The following PTPN13 variants were observed in gnomAD, a reference collection of about 807,000 sequenced individuals.
The protein encoded by PTPN13 is protein tyrosine phosphatase non-receptor type 13, also known as tyrosine-protein phosphatase non-receptor type 13.
A neutral mutation model predicts 284.0 loss-of-function variants in PTPN13; 191 were observed. The ratio of observed to expected loss-of-function variants is 0.67; its 90% CI spans 0.60 to 0.76. The LOEUF (loss-of-function observed/expected upper bound fraction) is 0.76. PTPN13 is among the 30% of genes least tolerant of loss of function. PTPN13 has a pLI of 0.00. For missense variants in PTPN13, 2,797 were observed against 2,939.9 expected (o/e 0.95, Z 1.12); for synonymous variants, 986 against 1,022.3 (o/e 0.96, Z 0.68).
At chr4:86,735,365 AG>A (rs1735379107) in intron 14 of PTPN13, among the ~76,000 whole-genome samples, 2 of 152,208 alleles carry the variant, frequency 1.3e-5, no homozygotes. Context: ...GAGTGATATG[AG>A]GCCCTTGAAT....
At chr4:86,690,521 G>A (rs1460147954) in intron 5 of PTPN13, among the ~76,000 whole-genome samples, 1 of 151,998 alleles carries the variant, frequency 6.6e-6, no homozygotes, top group Non-Finnish European at 1.5e-5. Flanking sequence ...GGTCTTGGAG[G>A]TCTTTTTTTC....
chr4:86,645,184 C>T lies in PTPN13; in HGVS notation c.115+9813C>T, dbSNP rs140390918. 3.8e-3 allele frequency among the ~76,000 whole-genome samples: 581 copies of T among 152,148 alleles called. 1 individual carries two copies. Among genetic ancestry groups the T allele is most frequent in the African/African-American group, 0.012 (502 of 41,480 alleles). On this transcript the variant is annotated intron_variant, in intron 2 of 47. Coordinates refer to ENST00000411767, the MANE Select transcript of PTPN13 (RefSeq NM_080683.3). ...CACCCTGGGCAACAGAGTTAGGCCC[C>T]GTCTCCAAAAACAAACAAACAAACA...
Position 86,727,270 on chromosome 4 carries a change from TTC to T in PTPN13, c.1608+4840_1608+4841del, listed in dbSNP as rs1474456711. On this transcript the variant is annotated intron_variant, in intron 10 of 47. Coordinates refer to ENST00000411767, the MANE Select transcript of PTPN13 (RefSeq NM_080683.3). Reference sequence around the variant, plus strand: ...GTTCATCAGGGATATTGGTCTAAAATTCTCTGTTTTTGTTGTGTCTCTGCCAC... The same window carrying T: ...GTTCATCAGGGATATTGGTCTAAAATTCTGTTTTTGTTGTGTCTCTGCCAC... Among the ~76,000 whole-genome samples the T allele has an allele frequency of 1.7e-4, 26 of 149,582 alleles. 1 individual carries two copies. Among genetic ancestry groups the T allele is most frequent in the South Asian group, 2.1e-4 (1 of 4,730 alleles).
intron 1 of PTPN13, among the ~76,000 whole-genome samples, chr4:86,627,537 T>C (rs2148688037): frequency 6.6e-6 from 1 of 152,060 alleles, no homozygotes; most frequent in East Asian, 1.9e-4. Context: ...ACAGCTTTAT[T>C]GAGGCATGTT....
At chr4:86,754,391 A>G (rs978442794) in intron 20 of PTPN13, among the ~76,000 whole-genome samples, 1 of 152,068 alleles carries the variant, frequency 6.6e-6, no homozygotes, top group Non-Finnish European at 1.5e-5. Flanking sequence ...TTATTGACTA[A>G]CAGTTATTTA....
chr4:86,803,467 A>G (rs35323910), intron 42 of PTPN13, among the ~76,000 whole-genome samples: 12,106 of 152,076 alleles, frequency 0.08, 635 homozygotes, highest in Non-Finnish European at 0.11. Flanking sequence ...AGGGTGCATG[A>G]CTGTGGTCCC....
At chr4:86,594,934 T>C (rs1206275071) in intron 1 of PTPN13, 145 bp downstream of exon 1, 7 of 152,468 alleles carry the variant, frequency 4.6e-5, no homozygotes, top group Non-Finnish European at 1.0e-4. Context: ...GAAGGAACTT[T>C]TCTTTGGTTT....
chr4:86,779,309 C>T (rs922496604), intron 35 of PTPN13, among the ~76,000 whole-genome samples: 3 of 151,364 alleles, frequency 2.0e-5, no homozygotes, highest in African/African-American at 4.9e-5. Flanking sequence ...CCCAGCTACT[C>T]GGGAGGCTAA....
chr4:86,606,070 G>T (rs1764712666), intron 1 of PTPN13, among the ~76,000 whole-genome samples: 2 of 151,920 alleles, frequency 1.3e-5, no homozygotes, highest in Admixed American at 1.3e-4. Context: ...GGGTGAAATG[G>T]AAAGTGATTT....
At chr4:86,810,051 ATG>A (rs1745059361) in intron 46 of PTPN13, 67 bp downstream of exon 46, 5 of 1,281,530 alleles carry the variant, frequency 3.9e-6, no homozygotes, top group Non-Finnish European at 4.4e-6. Flanking sequence ...ATTTTTGATA[ATG>A]TGTTGTGATC....
chr4:86,602,487 T>A (rs555726849), intron 1 of PTPN13, among the ~76,000 whole-genome samples: 1 of 140,580 alleles, frequency 7.1e-6, no homozygotes, highest in Non-Finnish European at 1.6e-5. Context: ...TATAACAGTT[T>A]TTTTAACACG....
In PTPN13 at chr4:86,747,549, GGCA is replaced by G. The variant is rs78831573; in HGVS notation, c.2650+2453_2650+2455del. 3.9e-3 allele frequency among the ~76,000 whole-genome samples: 554 copies of G among 143,756 alleles called. 4 individuals carry two copies. Among genetic ancestry groups the G allele is most frequent in the Admixed American group, 5.7e-3 (83 of 14,690 alleles). The allele number at this position is 143,756 out of a possible 152,430, so 94.3% of individuals were successfully genotyped here. A position where few individuals can be genotyped will look rare whatever the true frequency, so the allele number is the denominator to read the frequency against. On this transcript the variant is annotated intron_variant, in intron 17 of 47. Coordinates refer to ENST00000411767, the MANE Select transcript of PTPN13 (RefSeq NM_080683.3). The stretch of plus-strand genomic sequence containing the variant: ...CGGTAATAGTAGCAGCAGCAGCAGC[GGCA>G]GCAGCAGCAGCAGCAGCAGCAGCAG...
chr4:86,652,070 G>A (rs529214949), intron 2 of PTPN13, among the ~76,000 whole-genome samples: 37 of 152,030 alleles, frequency 2.4e-4, no homozygotes, highest in Non-Finnish European at 3.8e-4. Flanking sequence ...TCTAGCTTGG[G>A]CAACATAGTG....
chr4:86,626,197 G>A (rs1721817279), intron 1 of PTPN13, among the ~76,000 whole-genome samples: 1 of 152,104 alleles, frequency 6.6e-6, no homozygotes, highest in Admixed American at 6.6e-5. Context: ...CTTATTCTTT[G>A]AAGCTGTCCT....
chr4:86,768,177 A>C (rs1344398662), intron 28 of PTPN13, among the ~76,000 whole-genome samples: 2 of 152,252 alleles, frequency 1.3e-5, no homozygotes, highest in Non-Finnish European at 2.9e-5. Flanking sequence ...GACTTTGGAT[A>C]ATAAAGTCAT....
intron 40 of PTPN13, among the ~76,000 whole-genome samples, chr4:86,790,808 T>C (rs933158802): frequency 1.3e-5 from 2 of 152,112 alleles, no homozygotes; most frequent in African/African-American, 4.8e-5. Flanking sequence ...TAAGAAAATT[T>C]GTCCTGATAA....
chr4:86,779,620 G>T (rs1490885407), intron 35 of PTPN13, among the ~76,000 whole-genome samples: 1 of 151,972 alleles, frequency 6.6e-6, no homozygotes, highest in Admixed American at 6.5e-5. Flanking sequence ...TTAAGAAACG[G>T]CCCAGATAAA....
At chr4:86,710,131 A>G (rs1208564598) in intron 7 of PTPN13, among the ~76,000 whole-genome samples, 2 of 152,236 alleles carry the variant, frequency 1.3e-5, no homozygotes. Flanking sequence ...TAATATATGA[A>G]TACATAATAT....
At chr4:86,797,027 G>A (rs1272700657) in intron 41 of PTPN13, 98 bp downstream of exon 41, 2 of 857,746 alleles carry the variant, frequency 2.3e-6, no homozygotes, top group African/African-American at 3.5e-5. Flanking sequence ...AAGCATAGTT[G>A]AGTAGATTAT....
Sources: gnomAD v4.1 joint callset for allele counts (sites outside exome capture counted in the v4.1 genomes callset) on GRCh38, gnomAD v4.1.1 for gene constraint, MANE v1.5 for transcripts, NCBI Gene and HGNC (gene_info 2026-07-23, HGNC 2026-07-21) for gene names.